Variants in SKAP2 observed in about 807,000 individuals in gnomAD.
SKAP2 encodes the protein src kinase-associated phosphoprotein 2.
SKAP2 carries 28 observed loss-of-function variants against 54.9 expected under a neutral mutation model. That is an observed-to-expected ratio of 0.51 (90% CI 0.38 to 0.70). The LOEUF (loss-of-function observed/expected upper bound fraction) is 0.70. Among genes scored for constraint, SKAP2 ranks in the 30% least tolerant of loss-of-function variants. The probability of loss-of-function intolerance (pLI) is 0.00; values close to 1 mark genes in which losing one functional copy is unlikely to be tolerated. For synonymous variants in SKAP2, 137 were observed against 134.3 expected, an observed-to-expected ratio of 1.02 and a Z score of -0.14; for missense variants, 356 against 424.1, an observed-to-expected ratio of 0.84 and a Z score of 1.41.
chr7:26,725,298 C>A, intron 9 of SKAP2, 130 bp downstream of exon 9: 1 of 566,236 alleles, frequency 1.8e-6, no homozygotes, highest in Non-Finnish European at 3.0e-6. Flanking sequence ...ATTCTTTGTC[C>A]TTGTTCTCAA....
At chr7:26,781,572 G>C (rs1783425501) in intron 4 of SKAP2, among the ~76,000 whole-genome samples, 1 of 152,118 alleles carries the variant, frequency 6.6e-6, no homozygotes, top group South Asian at 2.1e-4. Context: ...CCTTTACAAA[G>C]AAACTAGGCA....
chr7:26,660,896 T>G, the SKAP2 span, among the ~76,000 whole-genome samples: 2 of 152,068 alleles, frequency 1.3e-5, no homozygotes, highest in Non-Finnish European at 2.9e-5. Context: ...TATACTACCA[T>G]GACATCATCC....
intron 1 of SKAP2, among the ~76,000 whole-genome samples, chr7:26,860,088 T>G (rs974051975): frequency 6.6e-6 from 1 of 152,230 alleles, no homozygotes; most frequent in African/African-American, 2.4e-5. Flanking sequence ...TTTGCAAATT[T>G]TTCATATAAT....
chr7:26,703,531 T>C (rs1280794790), intron 9 of SKAP2, among the ~76,000 whole-genome samples: 2 of 152,168 alleles, frequency 1.3e-5, no homozygotes, highest in East Asian at 1.9e-4. Context: ...AAATGCAATA[T>C]AATTTGTAGT....
At chr7:26,776,582 T>C (rs2391360) in intron 4 of SKAP2, among the ~76,000 whole-genome samples, 57,751 of 151,878 alleles carry the variant, frequency 0.38, 11,589 homozygotes, top group Middle Eastern at 0.48. Flanking sequence ...CTAATCAGTC[T>C]CTAAGTCCCA....
At chr7:26,707,400 C>A (rs1438942644) in intron 9 of SKAP2, among the ~76,000 whole-genome samples, 2 of 151,854 alleles carry the variant, frequency 1.3e-5, no homozygotes, top group African/African-American at 4.8e-5. Context: ...AATTATAAAG[C>A]CCCTTAGTAC....
chr7:26,795,004 T>C (rs985559142), intron 4 of SKAP2, among the ~76,000 whole-genome samples: 6 of 152,180 alleles, frequency 3.9e-5, no homozygotes, highest in Non-Finnish European at 5.9e-5. Context: ...TTGAGGTTAA[T>C]AGAGGTTTGG....
intron 11 of SKAP2, among the ~76,000 whole-genome samples, chr7:26,678,304 C>T (rs1038944575): frequency 1.3e-5 from 2 of 152,178 alleles, no homozygotes; most frequent in East Asian, 1.9e-4. Context: ...AAACAGAGTA[C>T]TTTGGGACGC....
At chr7:26,671,429 G>A (rs1044556568) in intron 11 of SKAP2, among the ~76,000 whole-genome samples, 2 of 151,986 alleles carry the variant, frequency 1.3e-5, no homozygotes, top group South Asian at 4.1e-4. Flanking sequence ...GTATGCTATT[G>A]ACCATCAGAA....
At chr7:26,769,299 T>C (rs909613148) in intron 4 of SKAP2, among the ~76,000 whole-genome samples, 1 of 152,248 alleles carries the variant, frequency 6.6e-6, no homozygotes, top group Non-Finnish European at 1.5e-5. Flanking sequence ...GTTTTTCAGC[T>C]CCATCAGGTC....
intron 6 of SKAP2, among the ~76,000 whole-genome samples, chr7:26,730,409 CCTTTAAGTGCCAAAA>C (rs966162895): frequency 2.3e-4 from 35 of 152,218 alleles, no homozygotes; most frequent in African/African-American, 8.2e-4. Flanking sequence ...AAAGCTTATT[CCTTTAAGTGCCAAAA>C]CTTTTAAAAA....
intron 11 of SKAP2, among the ~76,000 whole-genome samples, chr7:26,677,764 T>C (rs990440808): frequency 1.3e-5 from 2 of 152,260 alleles, no homozygotes; most frequent in African/African-American, 2.4e-5. Context: ...TCTCCTTGAA[T>C]AACAGTTTGT....
chr7:26,685,811 A>G (rs749869070), intron 10 of SKAP2, among the ~76,000 whole-genome samples: 5 of 152,206 alleles, frequency 3.3e-5, no homozygotes, highest in Non-Finnish European at 5.9e-5. Context: ...TTTCAATTTC[A>G]TGATAATTGA....
intron 3 of SKAP2, among the ~76,000 whole-genome samples, chr7:26,849,686 CAA>C (rs11327610): frequency 0.024 from 2,013 of 85,410 alleles, 33 homozygotes; most frequent in African/African-American, 0.08. Flanking sequence ...GACTCCATCT[CAA>C]AAAAAAAAAA....
intron 4 of SKAP2, among the ~76,000 whole-genome samples, chr7:26,801,321 A>C (rs1783910079): frequency 1.3e-5 from 2 of 152,206 alleles, no homozygotes. Flanking sequence ...TCATGACAAA[A>C]ACGCTTTAAA....
intron 9 of SKAP2, among the ~76,000 whole-genome samples, chr7:26,695,067 C>G (rs1477227288): frequency 6.6e-6 from 1 of 151,874 alleles, no homozygotes; most frequent in African/African-American, 2.4e-5. Flanking sequence ...TCAAGGTATG[C>G]GATGTTCACA....
chr7:26,690,183 T>C, intron 10 of SKAP2, 102 bp downstream of exon 10: 5 of 844,722 alleles, frequency 5.9e-6, no homozygotes, highest in East Asian at 2.5e-5. Flanking sequence ...AATGCCAACT[T>C]TGGGGAGCTG....
intron 9 of SKAP2, among the ~76,000 whole-genome samples, chr7:26,715,802 A>T (rs1787420418): frequency 6.6e-6 from 1 of 152,208 alleles, no homozygotes; most frequent in Non-Finnish European, 1.5e-5. Flanking sequence ...AAGAGTTAAC[A>T]ACAATGCTAC....
intron 9 of SKAP2, among the ~76,000 whole-genome samples, chr7:26,718,708 G>A (rs928436712): frequency 2.0e-5 from 3 of 151,994 alleles, no homozygotes; most frequent in African/African-American, 4.8e-5. Flanking sequence ...GTTTCACCAC[G>A]TTGGCCAGGA....
Sources: gnomAD v4.1 joint callset for allele counts (sites outside exome capture counted in the v4.1 genomes callset) on GRCh38, gnomAD v4.1.1 for gene constraint, MANE v1.5 for transcripts, NCBI Gene and HGNC (gene_info 2026-07-23, HGNC 2026-07-21) for gene names.